UBA6: variants seen among roughly 807,000 people sequenced by gnomAD.
UBA6 encodes the protein ubiquitin-like modifier-activating enzyme 6.
In UBA6, 87 loss-of-function variants were observed where a neutral mutation model predicts 148.3. The ratio of observed to expected loss-of-function variants is 0.59; its 90% CI spans 0.49 to 0.70. The LOEUF is 0.70. Among genes scored for constraint, UBA6 ranks in the 30% least tolerant of loss-of-function variants. UBA6 has a pLI of 0.00. For synonymous variants in UBA6, 376 were observed against 401.0 expected, an observed-to-expected ratio of 0.94 and a Z score of 0.75; for missense variants, 1,186 against 1,241.2, an observed-to-expected ratio of 0.96 and a Z score of 0.67.
At chr4:67,699,008 A>G (rs1730907933) in intron 1 of UBA6, among the ~76,000 whole-genome samples, 2 of 152,266 alleles carry the variant, frequency 1.3e-5, no homozygotes, top group South Asian at 4.1e-4. Flanking sequence ...AAATGAATAA[A>G]TTTTAAAGGA....
At position 67,673,670 on chromosome 4, in the gene UBA6, C is replaced by T. The variant is rs1411287773; in HGVS notation, c.546+27G>A. On this transcript the variant is annotated intron_variant, in intron 7 of 32. Transcript: ENST00000322244. ...GAAAGTGTTCTTCCTTGGTTAACTA[C>T]ATGTCATTACTAAATGATACAATTA... 5 of 1,519,156 alleles carry T rather than the reference C, an allele frequency of 3.3e-6. No homozygotes were observed. In the East Asian group the frequency reaches 1.1e-4, roughly 34 times the overall value. The allele number at this position is 1,519,156 out of a possible 1,614,324, so 94.1% of individuals were successfully genotyped here.
chr4:67,651,523 T>C (rs956855412), intron 13 of UBA6, among the ~76,000 whole-genome samples: 1 of 152,062 alleles, frequency 6.6e-6, no homozygotes, highest in Non-Finnish European at 1.5e-5. Context: ...TTTTCAACAG[T>C]AAAATATAAA....
At chr4:67,640,484 T>C (rs940522659) in intron 18 of UBA6, among the ~76,000 whole-genome samples, 1 of 151,998 alleles carries the variant, frequency 6.6e-6, no homozygotes, top group Non-Finnish European at 1.5e-5. Context: ...TTTTTAAAAC[T>C]TTTTTTTAGG....
intron 13 of UBA6, among the ~76,000 whole-genome samples, chr4:67,651,868 T>G (rs34303917): frequency 0.2 from 30,672 of 152,074 alleles, 3,351 homozygotes; most frequent in Middle Eastern, 0.3. Flanking sequence ...CTAGAATAGC[T>G]GGACATTCAT....
intron 13 of UBA6, 85 bp downstream of exon 13, chr4:67,662,104 T>C (rs1729872545): frequency 2.3e-6 from 3 of 1,303,568 alleles, no homozygotes; most frequent in East Asian, 2.3e-5. Context: ...CAAAGCTGGA[T>C]GTGAAGGATA....
chr4:67,676,191 T>C (rs1730276677), intron 6 of UBA6, among the ~76,000 whole-genome samples: 1 of 151,988 alleles, frequency 6.6e-6, no homozygotes, highest in Non-Finnish European at 1.5e-5. Flanking sequence ...GCCCGGCTAA[T>C]TTTTGTATTA....
intron 2 of UBA6, among the ~76,000 whole-genome samples, chr4:67,691,522 T>C (rs2109958658): frequency 6.6e-6 from 1 of 152,310 alleles, no homozygotes; most frequent in South Asian, 2.1e-4. Flanking sequence ...AGTTCCTCTC[T>C]CCAGTAAATT....
At position 67,617,826 on chromosome 4, in the gene UBA6, G is replaced by C. The variant is rs1728661143; in HGVS notation, c.*1171C>G. 6.6e-6 allele frequency: 1 copy of C among 151,948 alleles called. No individual in the cohort carries two copies. Among genetic ancestry groups the C allele is most frequent in the South Asian group, 2.1e-4 (1 of 4,826 alleles). 9.4% of individuals were successfully genotyped at this position (151,948 alleles called of 1,614,324 possible). ...TGCTTCAGAATGCATGACAGTCTTA[G>C]TAATAAAAGAATCATTTACTATTTT... On this transcript the variant is annotated 3_prime_UTR_variant, in exon 33 of 33. Coordinates refer to ENST00000322244, the MANE Select transcript of UBA6 (RefSeq NM_018227.6).
At chr4:67,686,952 TAAAAAAAAAAAAAAAAAAAAAAA>T (rs546442640) in intron 2 of UBA6, among the ~76,000 whole-genome samples, 6 of 57,188 alleles carry the variant, frequency 1.0e-4, no homozygotes, top group Admixed American at 5.1e-4. Context: ...ATCCTGTCTC[TAAAAAAAAAAAAAAAAAAAAAAA>T]AAAAAAAAAA....
intron 3 of UBA6, among the ~76,000 whole-genome samples, chr4:67,681,895 A>C (rs1730449073): frequency 6.6e-6 from 1 of 152,210 alleles, no homozygotes; most frequent in African/African-American, 2.4e-5. Flanking sequence ...GAGAATGATA[A>C]TTAATGGCTA....
chr4:67,635,462 G>C lies in UBA6; in HGVS notation c.1833C>G (p.Tyr611Ter). The stretch of plus-strand genomic sequence containing the variant: ...ATATTGATTCACTTACATGACTATT[G>C]TAAGACTCAGTCAAATGCGGTACAA... ...EVIVPHLTES[Y>*]NSHRDPPEEE... The change falls in exon 20 of 33, where the codon TAC becomes TAG. Residue 611 changes from tyrosine (Y) to a stop codon, truncating the protein, a stop_gained. Coordinates refer to ENST00000322244, the MANE Select transcript of UBA6 (RefSeq NM_018227.6). LOFTEE classifies it high-confidence loss of function. 2 of 1,583,626 alleles carry C rather than the reference G, an allele frequency of 1.3e-6. No homozygotes were observed. Among genetic ancestry groups the C allele is most frequent in the Admixed American group, 1.7e-5 (1 of 59,892 alleles).
At chr4:67,637,996 TGAA>T (rs912546237) in intron 19 of UBA6, among the ~76,000 whole-genome samples, 10 of 150,900 alleles carry the variant, frequency 6.6e-5, no homozygotes, top group African/African-American at 2.2e-4. Flanking sequence ...ACTGAAAGGA[TGAA>T]GAAAAAAAGC....
intron 30 of UBA6, 117 bp from the exon 31 acceptor site, chr4:67,623,339 T>G: frequency 1.5e-6 from 1 of 671,068 alleles, no homozygotes; most frequent in African/African-American, 1.8e-5. Flanking sequence ...GGCTAGAAAT[T>G]AATGTGGGGA....
chr4:67,646,082 A>C, intron 15 of UBA6, 66 bp from the exon 16 acceptor site: 2 of 875,938 alleles, frequency 2.3e-6, no homozygotes, highest in South Asian at 3.7e-5. Flanking sequence ...CACTGTCATT[A>C]ATACCAATTT....
At chr4:67,633,245 A>G in intron 23 of UBA6, 100 bp downstream of exon 23, 1 of 1,102,802 alleles carries the variant, frequency 9.1e-7, no homozygotes, top group Non-Finnish European at 1.2e-6. Context: ...AAAGCTTGCC[A>G]AAAGAAAGAA....
chr4:67,629,024 T>G (rs757964972), intron 27 of UBA6, 47 bp downstream of exon 27: 1 of 1,355,988 alleles, frequency 7.4e-7, no homozygotes, highest in East Asian at 2.3e-5. Flanking sequence ...TTGGTACAAG[T>G]CCAAATTCCC....
chr4:67,697,989 T>C (rs1451464310), intron 1 of UBA6, among the ~76,000 whole-genome samples: 1 of 152,188 alleles, frequency 6.6e-6, no homozygotes, highest in African/African-American at 2.4e-5. Flanking sequence ...CAATTATCTC[T>C]CCAATTTCAA....
At chr4:67,689,353 G>A (rs1045990713) in intron 2 of UBA6, among the ~76,000 whole-genome samples, 3 of 152,034 alleles carry the variant, frequency 2.0e-5, no homozygotes, top group Admixed American at 2.0e-4. Flanking sequence ...AAGTATCTAG[G>A]AGGAAATAAA....
At chr4:67,648,498 A>G (rs1577807624) in intron 14 of UBA6, among the ~76,000 whole-genome samples, 1 of 151,946 alleles carries the variant, frequency 6.6e-6, no homozygotes, top group East Asian at 1.9e-4. Context: ...AAAAAAAGAT[A>G]AATGGTATAT....
Sources: gnomAD v4.1 joint callset for allele counts (sites outside exome capture counted in the v4.1 genomes callset) on GRCh38, gnomAD v4.1.1 for gene constraint, MANE v1.5 for transcripts, NCBI Gene and HGNC (gene_info 2026-07-23, HGNC 2026-07-21) for gene names.